DLEC1: variants seen among roughly 807,000 people sequenced by gnomAD.
DLEC1 encodes the protein deleted in lung and esophageal cancer protein 1.
A neutral mutation model predicts 198.1 loss-of-function variants in DLEC1; 146 were observed. The observed-to-expected ratio is 0.74, with a 90% CI of 0.64 to 0.85. DLEC1 has a LOEUF of 0.85. Among genes scored for constraint, DLEC1 ranks in the 40% least tolerant of loss-of-function variants. The pLI, the probability that DLEC1 is intolerant of heterozygous loss-of-function variation, is 0.00. For missense variants in DLEC1, 2,233 were observed against 2,220.0 expected, an observed-to-expected ratio of 1.01 and a Z score of -0.12; for synonymous variants, 897 against 866.8, an observed-to-expected ratio of 1.03 and a Z score of -0.61.
rs79706553 is a variant in DLEC1 at position 38,061,562 on chromosome 3, C to T, written c.674-607C>T. Among the ~76,000 whole-genome samples the T allele has an allele frequency of 5.5e-3, 838 of 152,298 alleles. 5 individuals carry two copies. The highest frequency in any genetic ancestry group is 0.019 in the African/African-American group (794 of 41,570). On this transcript the variant is annotated intron_variant, in intron 3 of 36. Coordinates refer to ENST00000308059, the MANE Select transcript of DLEC1 (RefSeq NM_007335.4). ...CTGTGAGCTCTTCAGAAAGCATGCTCATGTATGGGGTATGTGTACAGGCAT... is the reference window on the plus strand; with the variant it reads ...CTGTGAGCTCTTCAGAAAGCATGCTTATGTATGGGGTATGTGTACAGGCAT...
At chr3:38,049,019 T>C (rs1463856933) in intron 2 of DLEC1, among the ~76,000 whole-genome samples, 1 of 152,142 alleles carries the variant, frequency 6.6e-6, no homozygotes, top group Non-Finnish European at 1.5e-5. Context: ...CTACTGTCCC[T>C]TTTTTGTTGT....
chr3:38,042,048 A>G (rs1700683848), intron 1 of DLEC1, among the ~76,000 whole-genome samples: 1 of 151,994 alleles, frequency 6.6e-6, no homozygotes, highest in African/African-American at 2.4e-5. Flanking sequence ...TCTGGAGTGC[A>G]GTGCCACGAT....
chr3:38,076,412 G>A (rs1380687912), intron 6 of DLEC1, among the ~76,000 whole-genome samples: 3 of 152,094 alleles, frequency 2.0e-5, no homozygotes, highest in East Asian at 1.9e-4. Flanking sequence ...GATGGGGTGG[G>A]GCTGTTTTAT....
chr3:38,045,541 A>G lies in DLEC1; in HGVS notation c.412-2A>G, dbSNP rs746612922. 1 of 1,612,068 alleles carries G rather than the reference A, an allele frequency of 6.2e-7. No individual in the cohort carries two copies. Among genetic ancestry groups the G allele is most frequent in the South Asian group, 1.1e-5 (1 of 90,788 alleles). On this transcript the variant is annotated splice_acceptor_variant, in intron 1 of 36. Transcript: ENST00000308059. LOFTEE classifies it high-confidence loss of function. ...CTGTGCATTTGATCATCCCCCTGCCAGATTCGGGAGCTCTATAAGCAGCGG... is the reference window on the plus strand; with the variant it reads ...CTGTGCATTTGATCATCCCCCTGCCGGATTCGGGAGCTCTATAAGCAGCGG...
At chr3:38,082,751 C>A (rs1362238182) in intron 6 of DLEC1, among the ~76,000 whole-genome samples, 1 of 148,950 alleles carries the variant, frequency 6.7e-6, no homozygotes, top group Admixed American at 6.7e-5. Context: ...GGGGTAGAGA[C>A]ATGGAGAGAA....
chr3:38,097,792 C>T lies in DLEC1; in HGVS notation c.2614C>T (p.Arg872Cys), dbSNP rs370165845. The T allele has an allele frequency of 3.0e-5, 49 of 1,614,052 alleles. No homozygotes were observed. Among genetic ancestry groups the T allele is most frequent in the African/African-American group, 1.3e-4 (10 of 74,978 alleles). The stretch of plus-strand genomic sequence containing the variant: ...CTCAGCCCTTCAGTTTGGTCTGCTC[C>T]GCCTGGGGCAGAAAGCCACAAACTC... ...NVSALQFGLL[R>C]LGQKATNSIQ... is the part of the protein sequence containing the mutation. Residue 872 changes from arginine (R) to cysteine (C), a missense_variant, in exon 18 of 37, where the codon CGC (arginine) becomes TGC (cysteine). Coordinates refer to ENST00000308059, the MANE Select transcript of DLEC1 (RefSeq NM_007335.4).
Position 38,111,583 on chromosome 3 carries a change from C to T in DLEC1, c.3444-94C>T, listed in dbSNP as rs1470720434. The T allele has an allele frequency of 2.2e-6, 3 of 1,364,098 alleles. No homozygotes were observed. In the African/African-American group the frequency reaches 4.3e-5, roughly 20 times the overall value. The allele number at this position is 1,364,098 out of a possible 1,614,324, so 84.5% of individuals were successfully genotyped here. ...GGCAGGGCCACCTTCCTCTGCTGGGCACCTGGTAGAATGCTGGTTGCTCTA... is the reference window on the plus strand; with the variant it reads ...GGCAGGGCCACCTTCCTCTGCTGGGTACCTGGTAGAATGCTGGTTGCTCTA... On this transcript the variant is annotated intron_variant, in intron 23 of 36. Coordinates refer to ENST00000308059, the MANE Select transcript of DLEC1 (RefSeq NM_007335.4).
At chr3:38,066,316 A>T (rs1176110596) in intron 6 of DLEC1, among the ~76,000 whole-genome samples, 1 of 152,194 alleles carries the variant, frequency 6.6e-6, no homozygotes, top group Non-Finnish European at 1.5e-5. Flanking sequence ...TTCCATCTAC[A>T]TTTATTAGCT....
Position 38,094,910 on chromosome 3 carries a change from A to G in DLEC1, c.1951A>G (p.Met651Val), listed in dbSNP as rs34503588. The change falls in exon 13 of 37, where the codon ATG (methionine) becomes GTG (valine). Residue 651 changes from methionine (M) to valine (V), a missense_variant. Met to Val is a conservative substitution (Grantham distance 21, BLOSUM62 1). Coordinates refer to ENST00000308059, the MANE Select transcript of DLEC1 (RefSeq NM_007335.4). Reference protein sequence around the residue: ...HVELAFYWQIMKPNLQPLMPG... With the variant: ...HVELAFYWQIVKPNLQPLMPG... ...GGAGCTGGCCTTCTACTGGCAGATC[A>G]TGAAGCCCAACCTGCAGCCCCTCAT... is the stretch of plus-strand genomic sequence containing the variant. The G allele has an allele frequency of 0.015, 23,760 of 1,614,162 alleles. 222 individuals carry two copies. The highest frequency in any genetic ancestry group is 0.029 in the Middle Eastern group (173 of 6,050).
At chr3:38,056,746 A>G (rs1397728506) in intron 2 of DLEC1, among the ~76,000 whole-genome samples, 1 of 152,268 alleles carries the variant, frequency 6.6e-6, no homozygotes, top group African/African-American at 2.4e-5. Flanking sequence ...AGTGAAAACA[A>G]AATCCACAAA....
chr3:38,052,270 TG>T, intron 2 of DLEC1: 1 of 478,694 alleles, frequency 2.1e-6, no homozygotes. Context: ...GGTGAAGGTG[TG>T]GGACCTCAAC....
At chr3:38,085,210 T>C (rs895775330) in intron 7 of DLEC1, 64 bp from the exon 8 acceptor site, 5 of 1,577,264 alleles carry the variant, frequency 3.2e-6, no homozygotes, top group African/African-American at 1.3e-5. Context: ...CTGTACCAGC[T>C]GAGCTCAAGC....
At position 38,123,756 on chromosome 3, in the gene DLEC1, A is replaced by G. The variant is rs770835470; in HGVS notation, c.*1344A>G. 2 of 152,160 alleles carry G rather than the reference A, an allele frequency of 1.3e-5. No individual in the cohort carries two copies. Among genetic ancestry groups the G allele is most frequent in the African/African-American group, 2.4e-5 (1 of 41,410 alleles). The allele number at this position is 152,160 out of a possible 1,614,324, so 9.4% of individuals were successfully genotyped here. A position where few individuals can be genotyped will look rare whatever the true frequency, so the allele number is the denominator to read the frequency against. ...GGTGGCTCAAACCTGTAATCCCAAC[A>G]CTTTGGGAGGCCGAGGCGGGAGGAT... is the stretch of plus-strand genomic sequence containing the variant. On this transcript the variant is annotated 3_prime_UTR_variant, in exon 37 of 37. Transcript: ENST00000308059.
intron 7 of DLEC1, among the ~76,000 whole-genome samples, chr3:38,084,713 C>A (rs574497802): frequency 1.3e-5 from 2 of 151,604 alleles, no homozygotes; most frequent in Non-Finnish European, 2.9e-5. Context: ...GGCCTGGACT[C>A]CCCCCATCAG....
Position 38,097,872 on chromosome 3 carries a change from C to T in DLEC1, c.2694C>T (p.Ser898=). The part of the protein sequence containing the change: ...QLPATWRMKE[S]PVSLQERPED... ...CAGCCACATGGCGCATGAAGGAGAG[C>T]CCAGTCTCCCTCCAGGAAAGGCCTG... Residue 898 remains serine, a synonymous_variant, in exon 18 of 37, where the codon AGC becomes AGT. Coordinates refer to ENST00000308059, the MANE Select transcript of DLEC1 (RefSeq NM_007335.4). 6.2e-7 allele frequency: 1 copy of T among 1,614,224 alleles called. No homozygotes were observed. Among genetic ancestry groups the T allele is most frequent in the Non-Finnish European group, 8.5e-7 (1 of 1,180,042 alleles).
intron 10 of DLEC1, among the ~76,000 whole-genome samples, chr3:38,092,557 T>G (rs1698795022): frequency 6.6e-6 from 1 of 152,194 alleles, no homozygotes; most frequent in Admixed American, 6.5e-5. Context: ...GCCATTTGTA[T>G]TTTGGTCTCT....
At chr3:38,093,490 A>G (rs1015602158) in intron 11 of DLEC1, 115 bp from the exon 12 acceptor site, 1 of 1,240,238 alleles carries the variant, frequency 8.1e-7, no homozygotes, top group Admixed American at 1.9e-5. Flanking sequence ...GTGAGCTTGC[A>G]GGAATCATGG....
Position 38,095,902 on chromosome 3 carries a change from C to T in DLEC1, c.2127C>T (p.His709=), listed in dbSNP as rs1394181244. 1.2e-6 allele frequency: 2 copies of T among 1,613,890 alleles called. No individual in the cohort carries two copies. The highest frequency in any genetic ancestry group is 1.7e-5 in the Admixed American group (1 of 60,018). The stretch of plus-strand genomic sequence containing the variant: ...TTGCCTTGCAGCTGAGGGATTTTCA[C>T]AGTGTGCTCCAGATGGTGCTAGAGG... The part of the protein sequence containing the change: ...SFSPHELRDF[H]SVLQMVLEEV... The change falls in exon 14 of 37, where the codon CAC becomes CAT. Residue 709 remains histidine (H), a synonymous_variant. Transcript: ENST00000308059.
intron 1 of DLEC1, among the ~76,000 whole-genome samples, chr3:38,044,369 G>A (rs769948802): frequency 1.8e-4 from 27 of 151,932 alleles, no homozygotes; most frequent in Non-Finnish European, 3.8e-4. Context: ...GACCAGCCTG[G>A]CCAACATGGT....
Sources: allele counts gnomAD v4.1 joint callset (sites outside exome capture counted in the v4.1 genomes callset), GRCh38; gene constraint gnomAD v4.1.1; transcripts MANE v1.5; gene names NCBI Gene and HGNC (gene_info 2026-07-23, HGNC 2026-07-21).